PTPRK: variants seen among roughly 807,000 people sequenced by gnomAD.
The protein encoded by PTPRK is receptor-type tyrosine-protein phosphatase kappa.
In PTPRK, 75 loss-of-function variants were observed where a neutral mutation model predicts 178.0. The observed-to-expected ratio is 0.42, with a 90% CI of 0.35 to 0.51. The LOEUF (loss-of-function observed/expected upper bound fraction) is 0.51, where lower values mean the gene tolerates loss of function less well. Ranked by LOEUF, PTPRK falls within the 20% of genes least tolerant of loss-of-function variation. PTPRK has a pLI of 0.02. For synonymous variants in PTPRK, 637 were observed against 620.6 expected, an observed-to-expected ratio of 1.03 and a Z score of -0.39; for missense variants, 1,441 against 1,797.8, an observed-to-expected ratio of 0.80 and a Z score of 3.59.
At chr6:128,033,301 T>A (rs117946031) in intron 13 of PTPRK, among the ~76,000 whole-genome samples, 3,630 of 152,294 alleles carry the variant, frequency 0.024, 67 homozygotes, top group Middle Eastern at 0.082. Flanking sequence ...AATGGATACA[T>A]CTTGGCAGAA....
intron 11 of PTPRK, among the ~76,000 whole-genome samples, chr6:128,070,724 C>A (rs1782670682): frequency 6.6e-6 from 1 of 151,782 alleles, no homozygotes; most frequent in African/African-American, 2.4e-5. Context: ...ACCCCAGTTT[C>A]TAGATATTTT....
chr6:128,128,719 G>A (rs1793760465), intron 7 of PTPRK, among the ~76,000 whole-genome samples: 1 of 152,140 alleles, frequency 6.6e-6, no homozygotes, highest in African/African-American at 2.4e-5. Flanking sequence ...TTAAGATACA[G>A]TAAAAACTTT....
intron 2 of PTPRK, among the ~76,000 whole-genome samples, chr6:128,388,117 A>C (rs2128361712): frequency 6.6e-6 from 1 of 152,318 alleles, no homozygotes; most frequent in African/African-American, 2.4e-5. Flanking sequence ...CATTCTTCTA[A>C]ATCCCACAGC....
At chr6:128,464,614 C>CAT (rs1489872866) in intron 1 of PTPRK, among the ~76,000 whole-genome samples, 73 of 73,940 alleles carry the variant, frequency 9.9e-4, no homozygotes, top group Non-Finnish European at 1.5e-3. Flanking sequence ...TATATATATA[C>CAT]ATATACATAT....
intron 7 of PTPRK, among the ~76,000 whole-genome samples, chr6:128,177,565 C>T (rs1430541097): frequency 6.6e-6 from 1 of 151,742 alleles, no homozygotes; most frequent in African/African-American, 2.4e-5. Flanking sequence ...AGTCAGATGA[C>T]ACAATTTTAA....
At chr6:128,170,368 G>A (rs1800055494) in intron 7 of PTPRK, among the ~76,000 whole-genome samples, 1 of 151,974 alleles carries the variant, frequency 6.6e-6, no homozygotes, top group African/African-American at 2.4e-5. Context: ...ACTCAGCAAA[G>A]CCTACTTTAC....
At chr6:128,323,305 G>A (rs1166475754) in intron 2 of PTPRK, among the ~76,000 whole-genome samples, 1 of 151,904 alleles carries the variant, frequency 6.6e-6, no homozygotes. Context: ...ATGTCATTGT[G>A]GATTTTAACA....
At chr6:128,302,991 C>T (rs1467674863) in intron 3 of PTPRK, among the ~76,000 whole-genome samples, 4 of 151,918 alleles carry the variant, frequency 2.6e-5, no homozygotes, top group Admixed American at 2.6e-4. Context: ...CATAATCTGC[C>T]TCCTCTCAAA....
At chr6:128,124,842 C>T (rs185945344) in intron 7 of PTPRK, among the ~76,000 whole-genome samples, 1 of 152,192 alleles carries the variant, frequency 6.6e-6, no homozygotes, top group Admixed American at 6.5e-5. Flanking sequence ...TTATCTGCAA[C>T]ATTTGCCCTT....
At chr6:127,984,625 A>T (rs933161995) in intron 22 of PTPRK, among the ~76,000 whole-genome samples, 3 of 152,186 alleles carry the variant, frequency 2.0e-5, no homozygotes, top group Admixed American at 6.5e-5. Context: ...AAACCTATTT[A>T]TCTCATTTTC....
rs140201529 is a variant in PTPRK at position 128,336,960 on chromosome 6, T to C, written c.224-14650A>G. Among the ~76,000 whole-genome samples, 338 of 152,202 alleles carry C rather than the reference T, an allele frequency of 2.2e-3. 1 individual carries two copies. The highest frequency in any genetic ancestry group is 3.5e-3 in the Non-Finnish European group (235 of 68,002). ...CAAAAATCCTCGCAAACTTGGTCCA[T>C]AAAAACCTTGCCATGCTAACTTGCC... On this transcript the variant is annotated intron_variant, in intron 2 of 29. Transcript: ENST00000368226.
In PTPRK at chr6:128,440,441, C is replaced by T. The variant is rs143380989; in HGVS notation, c.101-42753G>A. Among the ~76,000 whole-genome samples the T allele has an allele frequency of 1.4e-4, 22 of 152,260 alleles. No individual in the cohort carries two copies. In the East Asian group the frequency reaches 4.2e-3, roughly 29 times the overall value. ...AAGGAAACAATGCAATTAACTCATGCTAAAGTATGATTTTTAAATCTAATT... is the reference window on the plus strand; with the variant it reads ...AAGGAAACAATGCAATTAACTCATGTTAAAGTATGATTTTTAAATCTAATT... On this transcript the variant is annotated intron_variant, in intron 1 of 29. Transcript: ENST00000368226.
At chr6:127,980,477 G>A (rs1195040199) in intron 25 of PTPRK, among the ~76,000 whole-genome samples, 5 of 151,612 alleles carry the variant, frequency 3.3e-5, no homozygotes, top group Non-Finnish European at 5.9e-5. Flanking sequence ...GGGCGACAGA[G>A]TGAGACTCTG....
intron 2 of PTPRK, among the ~76,000 whole-genome samples, chr6:128,343,063 T>C (rs1584262790): frequency 6.6e-6 from 1 of 152,216 alleles, no homozygotes; most frequent in Admixed American, 6.5e-5. Context: ...AAAACTGTAT[T>C]AGTCAACACT....
chr6:127,980,474 AGAGT>A (rs1468694836), intron 25 of PTPRK, among the ~76,000 whole-genome samples: 2 of 151,932 alleles, frequency 1.3e-5, no homozygotes, highest in Non-Finnish European at 2.9e-5. Flanking sequence ...CCTGGGCGAC[AGAGT>A]GAGACTCTGT....
At chr6:128,203,139 G>A (rs1430373270) in intron 6 of PTPRK, among the ~76,000 whole-genome samples, 2 of 152,006 alleles carry the variant, frequency 1.3e-5, no homozygotes, top group African/African-American at 2.4e-5. Flanking sequence ...CACATAAACA[G>A]AACTAAAGAC....
intron 3 of PTPRK, among the ~76,000 whole-genome samples, chr6:128,270,064 C>T (rs1475161402): frequency 1.3e-5 from 2 of 152,088 alleles, no homozygotes; most frequent in African/African-American, 2.4e-5. Context: ...GCAGTTCTGG[C>T]TTTTGGGCTA....
At chr6:127,987,110 G>T (rs1776065651) in intron 21 of PTPRK, among the ~76,000 whole-genome samples, 1 of 151,610 alleles carries the variant, frequency 6.6e-6, no homozygotes. Context: ...TGCTTAATAG[G>T]CCTTGCTCCC....
At chr6:128,250,987 G>A (rs929635197) in intron 3 of PTPRK, among the ~76,000 whole-genome samples, 3 of 152,118 alleles carry the variant, frequency 2.0e-5, no homozygotes, top group Non-Finnish European at 4.4e-5. Flanking sequence ...GCTTCTCTTC[G>A]TCAGACCCCT....
Sources: gnomAD v4.1 joint callset for allele counts (sites outside exome capture counted in the v4.1 genomes callset) on GRCh38, gnomAD v4.1.1 for gene constraint, MANE v1.5 for transcripts, NCBI Gene and HGNC (gene_info 2026-07-23, HGNC 2026-07-21) for gene names.